ELP1: variants seen among roughly 807,000 people sequenced by gnomAD.
ELP1 encodes elongator complex protein 1.
A neutral mutation model predicts 183.2 loss-of-function variants in ELP1; 131 were observed. The observed-to-expected ratio is 0.72, with a 90% CI of 0.62 to 0.83. The LOEUF (loss-of-function observed/expected upper bound fraction) is 0.83, where lower values mean the gene tolerates loss of function less well. ELP1 is among the 40% of genes least tolerant of loss of function. The pLI, the probability that ELP1 is intolerant of heterozygous loss-of-function variation, is 0.00. For missense variants in ELP1, 1,550 were observed against 1,594.9 expected (o/e 0.97, Z 0.48); for synonymous variants, 555 against 569.0 (o/e 0.98, Z 0.35).
At position 108,897,099 on chromosome 9, in the gene ELP1, T is replaced by C. The variant is rs149325874; in HGVS notation, c.2501+49A>G. 122 of 1,614,040 alleles carry C rather than the reference T, an allele frequency of 7.6e-5. 1 individual carries two copies. In the East Asian group the frequency reaches 2.5e-3, roughly 33 times the overall value. On this transcript the variant is annotated intron_variant, in intron 23 of 36. Transcript: ENST00000374647. ...GGTAAGTAGGCTGGACAAGGACAAC[T>C]ACACACTTCGGTTTTTCAAAGGATG...
chr9:108,900,277 T>A lies in ELP1; in HGVS notation c.2113A>T (p.Thr705Ser). The A allele has an allele frequency of 6.2e-7, 1 of 1,613,870 alleles. No homozygotes were observed. ...CAGCTTACCTGTAATACAAGCTTTG[T>A]GTCCTGGGGCACAACAGTGACAATC... ...SRIVTVVPQD[T>S]KLVLQMPRGN... The change falls in exon 19 of 37, where the codon ACA (threonine) becomes TCA (serine). Residue 705 changes from threonine (T) to serine (S), a missense_variant. Transcript: ENST00000374647.
In ELP1 at chr9:108,922,908, T is replaced by C; in HGVS notation, c.486A>G (p.Gly162=). ...GGAACTGTGTCTCCTTCCTACCCCA[T>C]CCAACAGTGATAAACTTGCCTACAG... ...DFGESKFITV[G]WGRKETQFHG... is the part of the protein sequence containing the mutation. The change falls in exon 6 of 37, where the codon GGA becomes GGG. Residue 162 remains glycine (G), a synonymous_variant. Coordinates refer to ENST00000374647, the MANE Select transcript of ELP1 (RefSeq NM_003640.5). 1 of 1,613,792 alleles carries C rather than the reference T, an allele frequency of 6.2e-7. No homozygotes were observed. The highest frequency in any genetic ancestry group is 1.1e-5 in the South Asian group (1 of 91,080).
intron 29 of ELP1, among the ~76,000 whole-genome samples, chr9:108,886,015 G>A (rs1185831054): frequency 2.6e-5 from 4 of 152,214 alleles, no homozygotes; most frequent in Non-Finnish European, 5.9e-5. Flanking sequence ...GCCTCAGATA[G>A]AGAGACCTAA....
At chr9:108,871,785 G>T (rs1188427113) in intron 36 of ELP1, among the ~76,000 whole-genome samples, 1 of 152,196 alleles carries the variant, frequency 6.6e-6, no homozygotes, top group Non-Finnish European at 1.5e-5. Context: ...TAGTTGTATA[G>T]GTATGCCTTT....
chr9:108,921,114 A>AT lies in ELP1; in HGVS notation c.552+1727dup, dbSNP rs200207034. Reference sequence around the variant, plus strand: ...AGTACACAATTCAATGCACCTTGGGATTTTTTTTTGGTTGTTTAAACTCAG... The same window carrying AT: ...AGTACACAATTCAATGCACCTTGGGATTTTTTTTTTGGTTGTTTAAACTCAG... On this transcript the variant is annotated intron_variant, in intron 6 of 36. Transcript: ENST00000374647. 6.4e-3 allele frequency among the ~76,000 whole-genome samples: 970 copies of AT among 151,732 alleles called. 5 individuals carry two copies. Among genetic ancestry groups the AT allele is most frequent in the Middle Eastern group, 0.028 (8 of 290 alleles).
At chr9:108,873,298 T>C (rs72758349) in intron 36 of ELP1, among the ~76,000 whole-genome samples, 2,551 of 152,346 alleles carry the variant, frequency 0.017, 38 homozygotes, top group Non-Finnish European at 0.027. Flanking sequence ...CATCAAGTCA[T>C]TGATTTCACT....
At chr9:108,925,893 G>A in intron 5 of ELP1, among the ~76,000 whole-genome samples, 1 of 152,156 alleles carries the variant, frequency 6.6e-6, no homozygotes, top group East Asian at 1.9e-4. Context: ...GTAAATAAAT[G>A]GGTAGAAGTT....
intron 25 of ELP1, 75 bp downstream of exon 25, chr9:108,896,421 C>G (rs890756765): frequency 1.4e-6 from 2 of 1,406,074 alleles, no homozygotes; most frequent in South Asian, 2.3e-5. Context: ...AGCTACTGCA[C>G]TACCAGAAGC....
intron 35 of ELP1, among the ~76,000 whole-genome samples, chr9:108,876,084 G>A (rs1241056006): frequency 6.6e-6 from 1 of 151,952 alleles, no homozygotes; most frequent in Non-Finnish European, 1.5e-5. Context: ...AAGACCAGCG[G>A]GGACAACTTG....
chr9:108,891,775 C>A (rs906275586), intron 27 of ELP1, among the ~76,000 whole-genome samples: 1 of 152,020 alleles, frequency 6.6e-6, no homozygotes, highest in East Asian at 1.9e-4. Flanking sequence ...TAATGGCAAA[C>A]GTGAGTAAAG....
Position 108,898,591 on chromosome 9 carries a change from A to G in ELP1, c.2284-10T>C. On this transcript the variant is annotated splice_polypyrimidine_tract_variant and intron_variant, in intron 21 of 36. Transcript: ENST00000374647. ...CATTTCCAAGAAACACCTACCAAAA[A>G]AAGGACAAAACATCTTCGTTCAGAT... 2.5e-6 allele frequency: 4 copies of G among 1,607,362 alleles called. No individual in the cohort carries two copies. The highest frequency in any genetic ancestry group is 3.4e-6 in the Non-Finnish European group (4 of 1,174,358).
At chr9:108,929,998 T>C in intron 2 of ELP1, 77 bp from the exon 3 acceptor site, 1 of 1,492,504 alleles carries the variant, frequency 6.7e-7, no homozygotes, top group Non-Finnish European at 9.3e-7. Flanking sequence ...AGAAATACTT[T>C]TTAATGCTTC....
chr9:108,910,024 C>G (rs929143558), intron 12 of ELP1, among the ~76,000 whole-genome samples: 1 of 152,016 alleles, frequency 6.6e-6, no homozygotes, highest in Admixed American at 6.6e-5. Context: ...TGATATAAAG[C>G]TATTTTTTAA....
In ELP1 at chr9:108,900,298, C is replaced by T. The variant is rs1828721515; in HGVS notation, c.2092G>A (p.Val698Ile). The change falls in exon 19 of 37, where the codon GTC becomes ATC. Residue 698 changes from valine to isoleucine, a missense_variant. Coordinates refer to ENST00000374647, the MANE Select transcript of ELP1 (RefSeq NM_003640.5). The stretch of plus-strand genomic sequence containing the variant: ...TTTGTGTCCTGGGGCACAACAGTGA[C>T]AATCCGTGAACCCCTCTCCACTTTC... The part of the protein sequence containing the change: ...LRKVERGSRI[V>I]TVVPQDTKLV... The T allele has an allele frequency of 1.2e-6, 2 of 1,614,162 alleles. No homozygotes were observed. Among genetic ancestry groups the T allele is most frequent in the Non-Finnish European group, 1.7e-6 (2 of 1,179,998 alleles).
intron 29 of ELP1, among the ~76,000 whole-genome samples, chr9:108,885,368 AATACTATAAACACTTCATACC>A (rs1176473236): frequency 3.9e-5 from 6 of 152,200 alleles, no homozygotes; most frequent in African/African-American, 1.4e-4. Context: ...AAAATAAGAG[AATACTATAAACACTTCATACC>A]AATAAATCTG....
In ELP1 at chr9:108,908,327, G is replaced by A; in HGVS notation, c.1438C>T (p.Pro480Ser). 6.2e-7 allele frequency: 1 copy of A among 1,613,680 alleles called. No homozygotes were observed. The highest frequency in any genetic ancestry group is 8.5e-7 in the Non-Finnish European group (1 of 1,179,578). Residue 480 changes from proline (P) to serine (S), a missense_variant, in exon 13 of 37, where the codon CCT (proline) becomes TCT (serine). By Grantham distance (74) the Pro-to-Ser change is moderately conservative. Coordinates refer to ENST00000374647, the MANE Select transcript of ELP1 (RefSeq NM_003640.5). ...GSGFKVCLRT[P>S]HLEKRYKIQF... ...TACTTGTATCTCTTTTCCAAATGAG[G>A]AGTTCTAAGGCAAACTTTAAATCCA...
intron 12 of ELP1, among the ~76,000 whole-genome samples, chr9:108,910,759 G>A (rs1829182664): frequency 6.7e-6 from 1 of 149,776 alleles, no homozygotes; most frequent in Non-Finnish European, 1.5e-5. Flanking sequence ...AGAGTCCAAT[G>A]TTATTCTTAA....
In ELP1 at chr9:108,891,294, C is replaced by G. The variant is rs1063110; in HGVS notation, c.3069G>C (p.Leu1023=). 0.43 allele frequency: 686,344 copies of G among 1,613,932 alleles called. 151,477 individuals carry two copies. Among genetic ancestry groups the G allele is most frequent in the Non-Finnish European group, 0.45 (535,808 of 1,179,916 alleles). ...GAHEKALSAF[L]TCGNWKQALC... is the part of the protein sequence containing the mutation. ...GGGCTTGCTTCCAGTTGCCACATGT[C>G]AGAAAGGCTGAGAGAGCTTTCTCGT... The change falls in exon 28 of 37, where the codon CTG becomes CTC. Residue 1023 remains leucine (L), a synonymous_variant. Coordinates refer to ENST00000374647, the MANE Select transcript of ELP1 (RefSeq NM_003640.5).
intron 2 of ELP1, among the ~76,000 whole-genome samples, chr9:108,930,622 C>T (rs768178244): frequency 8.0e-5 from 11 of 137,470 alleles, no homozygotes; most frequent in East Asian, 5.1e-4. Flanking sequence ...CCCGGGGAGG[C>T]GGAGCTTGCA....
Sources: allele counts gnomAD v4.1 joint callset (sites outside exome capture counted in the v4.1 genomes callset), GRCh38; gene constraint gnomAD v4.1.1; transcripts MANE v1.5; gene names NCBI Gene and HGNC (gene_info 2026-07-23, HGNC 2026-07-21).